Variants in NEMP2 observed in about 807,000 individuals in gnomAD.
NEMP2 encodes nuclear envelope integral membrane protein 2, also known as UPF0571 transmembrane protein.
NEMP2 carries 53 observed loss-of-function variants against 54.2 expected under a neutral mutation model. That is an observed-to-expected ratio of 0.98 (90% CI 0.78 to 1.23). NEMP2 has a LOEUF of 1.23. Ranked by LOEUF, NEMP2 falls within the 50% of genes most tolerant of loss-of-function variation. NEMP2 has a pLI of 0.00. For synonymous variants in NEMP2, 197 were observed against 190.3 expected (o/e 1.04, Z -0.29); for missense variants, 455 against 511.3 (o/e 0.89, Z 1.06).
chr2:190,589,017 C>T, the NEMP2 span, among the ~76,000 whole-genome samples: 150 of 152,268 alleles, frequency 9.9e-4, no homozygotes, highest in African/African-American at 3.4e-3. The surrounding 1 kb of genome is among the most constrained non-coding windows in gnomAD (Gnocchi z 4.3). Flanking sequence ...TTTATATGGG[C>T]TAACTTTCAA....
At chr2:190,569,701 A>G in the NEMP2 span, among the ~76,000 whole-genome samples, 1 of 152,258 alleles carries the variant, frequency 6.6e-6, no homozygotes, top group African/African-American at 2.4e-5. Context: ...TCTTGGATAT[A>G]AAAGGAATAC....
the NEMP2 span, among the ~76,000 whole-genome samples, chr2:190,485,332 G>T: frequency 4.6e-5 from 7 of 152,072 alleles, no homozygotes; most frequent in African/African-American, 1.7e-4. The surrounding 1 kb of genome is among the most constrained non-coding windows in gnomAD (Gnocchi z 5.1). Flanking sequence ...TCCTGCAATT[G>T]ATTGCTTAGA....
chr2:190,440,934 A>G, the NEMP2 span, among the ~76,000 whole-genome samples: 3 of 152,190 alleles, frequency 2.0e-5, no homozygotes, highest in Non-Finnish European at 4.4e-5. Context: ...AACAGATAGC[A>G]AGATGCTGGG....
intron 3 of NEMP2, 35 bp from the exon 4 acceptor site, chr2:190,518,843 G>C (rs1294443584): frequency 6.6e-7 from 1 of 1,525,272 alleles, no homozygotes; most frequent in Admixed American, 2.2e-5. Flanking sequence ...ACATAACAAA[G>C]ATTTTTTATC....
the NEMP2 span, among the ~76,000 whole-genome samples, chr2:190,483,178 C>A: frequency 1.3e-5 from 2 of 151,706 alleles, no homozygotes; most frequent in African/African-American, 4.8e-5. Flanking sequence ...AGGCGTGAGC[C>A]ACCGCGCCCG....
At position 190,506,117 on chromosome 2, in the gene NEMP2, T is replaced by C. The variant is rs1261035153; in HGVS notation, c.*3072A>G. On this transcript the variant is annotated 3_prime_UTR_variant, in exon 9 of 9. Transcript: ENST00000409150. This position sits in a 1 kb window ranked among gnomAD's most constrained non-coding sequence, Gnocchi z 6.3. ...TCACTACCTGTACCAACTATATGAA[T>C]TGACTAACAAGAGACAGGTCTTATG... is the stretch of plus-strand genomic sequence containing the variant. 2.0e-5 allele frequency: 3 copies of C among 152,212 alleles called. No homozygotes were observed. The highest frequency in any genetic ancestry group is 2.9e-5 in the Non-Finnish European group (2 of 68,040). The allele number at this position is 152,212 out of a possible 1,614,324, so 9.4% of individuals were successfully genotyped here. A position where few individuals can be genotyped will look rare whatever the true frequency, so the allele number is the denominator to read the frequency against.
At chr2:190,612,711 T>G in the NEMP2 span, among the ~76,000 whole-genome samples, 3,278 of 152,264 alleles carry the variant, frequency 0.022, 119 homozygotes, top group African/African-American at 0.073. Flanking sequence ...GACCAAATGT[T>G]TACATTTTTG....
chr2:190,563,596 A>G, the NEMP2 span, among the ~76,000 whole-genome samples: 151 of 152,348 alleles, frequency 9.9e-4, no homozygotes, highest in African/African-American at 3.4e-3. The surrounding 1 kb of genome is among the most constrained non-coding windows in gnomAD (Gnocchi z 4.3). Context: ...ACTCTACCAC[A>G]ACGTATATGT....
At chr2:190,496,489 C>T in the NEMP2 span, among the ~76,000 whole-genome samples, 7 of 152,058 alleles carry the variant, frequency 4.6e-5, no homozygotes, top group Non-Finnish European at 7.4e-5. The surrounding 1 kb of genome is among the most constrained non-coding windows in gnomAD (Gnocchi z 4.7). Context: ...GGTATCTACC[C>T]AGAGGAAAAG....
the NEMP2 span, among the ~76,000 whole-genome samples, chr2:190,432,081 G>A: frequency 6.6e-6 from 1 of 152,064 alleles, no homozygotes; most frequent in Non-Finnish European, 1.5e-5. Flanking sequence ...TATAATCCTT[G>A]GTAATTACTC....
the NEMP2 span, among the ~76,000 whole-genome samples, chr2:190,428,825 A>C: frequency 6.6e-6 from 1 of 152,072 alleles, no homozygotes; most frequent in African/African-American, 2.4e-5. Context: ...GGCATCTGCC[A>C]CCATGCCTGG....
In NEMP2 at chr2:190,521,019, G is replaced by A. The variant is rs969054571; in HGVS notation, c.214-1836C>T. ...CTCACTTGCAAAATCCAACTCTCCA[G>A]CATTCTACTCCTGCATTTGCATCAC... On this transcript the variant is annotated intron_variant, in intron 2 of 8. Transcript: ENST00000409150. The surrounding 1 kb of genome is among the most constrained non-coding windows in gnomAD (Gnocchi z 6.2). Among the ~76,000 whole-genome samples, 21 of 152,212 alleles carry A rather than the reference G, an allele frequency of 1.4e-4. 1 individual carries two copies. The South Asian group carries it at 4.2e-3, about 30-fold the overall frequency.
At chr2:190,583,822 T>A in the NEMP2 span, among the ~76,000 whole-genome samples, 3 of 152,222 alleles carry the variant, frequency 2.0e-5, no homozygotes, top group African/African-American at 7.2e-5. Flanking sequence ...GTCTTGTAAT[T>A]TTAGGAAAAG....
chr2:190,532,652 T>C (rs1346457775), intron 1 of NEMP2, among the ~76,000 whole-genome samples: 1 of 152,216 alleles, frequency 6.6e-6, no homozygotes, highest in African/African-American at 2.4e-5. Flanking sequence ...TGTGTGTTAT[T>C]CAAGACAAAA....
the NEMP2 span, among the ~76,000 whole-genome samples, chr2:190,561,086 G>T: frequency 1.3e-5 from 2 of 152,146 alleles, no homozygotes; most frequent in African/African-American, 4.8e-5. The surrounding 1 kb of genome is among the most constrained non-coding windows in gnomAD (Gnocchi z 5.4). Context: ...TGGGAAGGAG[G>T]TTCCTAGGCC....
At chr2:190,470,230 G>GA in the NEMP2 span, among the ~76,000 whole-genome samples, 1 of 152,094 alleles carries the variant, frequency 6.6e-6, no homozygotes, top group African/African-American at 2.4e-5. Flanking sequence ...TATAGTTACT[G>GA]AAAAAAAGAT....
chr2:190,466,925 G>C, the NEMP2 span, among the ~76,000 whole-genome samples: 1 of 152,264 alleles, frequency 6.6e-6, no homozygotes, highest in East Asian at 1.9e-4. Flanking sequence ...TCTGGGAAGA[G>C]GTTTGAAGGC....
At chr2:190,516,223 T>C in intron 6 of NEMP2, 47 bp downstream of exon 6, 5 of 1,357,794 alleles carry the variant, frequency 3.7e-6, no homozygotes, top group Non-Finnish European at 5.1e-6. Context: ...TAGTTGTACA[T>C]CTCAGTTTTA....
chr2:190,476,805 A>C, the NEMP2 span, among the ~76,000 whole-genome samples: 1 of 152,158 alleles, frequency 6.6e-6, no homozygotes, highest in Non-Finnish European at 1.5e-5. Context: ...GAACCAACCC[A>C]TATGTCCAAC....
Sources: allele counts gnomAD v4.1 joint callset (sites outside exome capture counted in the v4.1 genomes callset), GRCh38; gene constraint gnomAD v4.1.1; non-coding constraint Gnocchi (gnomAD v3.1); transcripts MANE v1.5; gene names NCBI Gene and HGNC (gene_info 2026-07-23, HGNC 2026-07-21).